The following MICAL2 variants were observed in gnomAD, a reference collection of about 807,000 sequenced individuals.
MICAL2 encodes the protein [F-actin]-monooxygenase MICAL2.
A neutral mutation model predicts 127.3 loss-of-function variants in MICAL2; 77 were observed. That is an observed-to-expected ratio of 0.60 (90% confidence interval 0.50 to 0.73). MICAL2 has a LOEUF of 0.73. Ranked by LOEUF, MICAL2 falls within the 30% of genes least tolerant of loss-of-function variation. The pLI is 0.00. For missense variants in MICAL2, 1,351 were observed against 1,434.4 expected (o/e 0.94, Z 0.94); for synonymous variants, 570 against 551.1 (o/e 1.03, Z -0.48).
rs372239723 is a variant in MICAL2 at position 12,216,199 on chromosome 11, G to A, written c.848-20G>A. 3.2e-6 allele frequency: 5 copies of A among 1,575,906 alleles called. No individual in the cohort carries two copies. Among genetic ancestry groups the A allele is most frequent in the Non-Finnish European group, 4.4e-6 (5 of 1,145,032 alleles). On this transcript the variant is annotated intron_variant, in intron 7 of 27. Transcript: ENST00000683283. ...GTGCCGAGGAAGTAACACTGAGCTT[G>A]TGAATGCTTCTCTTTTCAGGCATAG...
chr11:12,271,520 C>T (rs1863676053), upstream of MICAL2, among the ~76,000 whole-genome samples: 1 of 152,186 alleles, frequency 6.6e-6, no homozygotes. Context: ...GGTGGGTGTT[C>T]TCTCTGGACT....
At chr11:12,281,091 C>T in exon 2 of MICAL2, 1 of 398,980 alleles carries the variant, frequency 2.5e-6, no homozygotes, top group Non-Finnish European at 4.4e-6. Context: ...GAGCCCAGAG[C>T]TGTGCACGGT....
intron 24 of MICAL2, among the ~76,000 whole-genome samples, chr11:12,257,624 G>T (rs563858213): frequency 4.7e-4 from 72 of 152,162 alleles, no homozygotes; most frequent in Admixed American, 9.2e-4. Context: ...CCTTGGGCTT[G>T]TTACTTAAAC....
At chr11:12,162,547 C>G in intron 3 of MICAL2, 128 bp downstream of exon 3, 1 of 1,212,144 alleles carries the variant, frequency 8.2e-7, no homozygotes, top group South Asian at 1.6e-5. Flanking sequence ...CATTGTTTTC[C>G]TCCGGTAAAG....
chr11:12,330,004 T>A (rs1248137130), intron 32 of MICAL2, among the ~76,000 whole-genome samples: 1 of 152,262 alleles, frequency 6.6e-6, no homozygotes, highest in African/African-American at 2.4e-5. Flanking sequence ...CCTTGGTAAT[T>A]TAATTCCCCT....
intron 2 of MICAL2, among the ~76,000 whole-genome samples, chr11:12,160,820 G>C (rs1341245214): frequency 1.3e-5 from 2 of 152,220 alleles, no homozygotes. Flanking sequence ...CCGGCCCCTT[G>C]AGTGGTGCCC....
intron 32 of MICAL2, among the ~76,000 whole-genome samples, chr11:12,336,368 T>A (rs1938757071): frequency 6.6e-6 from 1 of 152,046 alleles, no homozygotes; most frequent in South Asian, 2.1e-4. Context: ...GACAATGGGG[T>A]TTTCTAGATA....
intron 2 of MICAL2, among the ~76,000 whole-genome samples, chr11:12,143,154 T>C (rs994440905): frequency 6.6e-5 from 10 of 152,120 alleles, no homozygotes; most frequent in African/African-American, 2.4e-4. Flanking sequence ...GCTGTGAGAC[T>C]TGGGTACTGA....
chr11:12,337,505 G>T (rs1335044306), intron 32 of MICAL2, among the ~76,000 whole-genome samples: 2 of 152,122 alleles, frequency 1.3e-5, no homozygotes, highest in Non-Finnish European at 1.5e-5. Flanking sequence ...GCTTTTGAAT[G>T]TGTTTGCTCT....
At chr11:12,333,635 T>G (rs1341731414) in intron 32 of MICAL2, among the ~76,000 whole-genome samples, 1 of 152,124 alleles carries the variant, frequency 6.6e-6, no homozygotes, top group Admixed American at 6.5e-5. Context: ...AACCCCAAAA[T>G]GTACAAGTAA....
chr11:12,291,320 A>G (rs1485284379), downstream of MICAL2, among the ~76,000 whole-genome samples: 1 of 152,128 alleles, frequency 6.6e-6, no homozygotes, highest in Non-Finnish European at 1.5e-5. Flanking sequence ...GAGGGGAGGA[A>G]GGGGAGAGCG....
intron 2 of MICAL2, among the ~76,000 whole-genome samples, chr11:12,153,671 C>T (rs1853841936): frequency 6.6e-6 from 1 of 152,176 alleles, no homozygotes; most frequent in South Asian, 2.1e-4. Flanking sequence ...CTCCTGACCT[C>T]GAGTCTGCAC....
intron 3 of MICAL2, among the ~76,000 whole-genome samples, chr11:12,177,568 G>A (rs1038313756): frequency 1.3e-5 from 2 of 152,146 alleles, no homozygotes; most frequent in Admixed American, 6.5e-5. Flanking sequence ...AAGAAATCCT[G>A]ACCAAATTAC....
chr11:12,116,124 C>G (rs946176946), intron 1 of MICAL2, among the ~76,000 whole-genome samples: 4 of 136,884 alleles, frequency 2.9e-5, no homozygotes, highest in African/African-American at 1.1e-4. Context: ...CTACAGGCAT[C>G]CGCCACCATG....
chr11:12,181,368 A>G (rs907357426), intron 3 of MICAL2, among the ~76,000 whole-genome samples: 2 of 152,240 alleles, frequency 1.3e-5, no homozygotes, highest in Non-Finnish European at 2.9e-5. Flanking sequence ...ATTCTCGATT[A>G]AAGTCCTGGT....
intron 16 of MICAL2, among the ~76,000 whole-genome samples, chr11:12,239,190 A>G (rs2134448294): frequency 6.6e-6 from 1 of 152,358 alleles, no homozygotes; most frequent in Non-Finnish European, 1.5e-5. Context: ...ATAAGAAATG[A>G]GAGTCGGGAT....
intron 22 of MICAL2, chr11:12,252,901 T>C (rs1306934716): frequency 6.6e-6 from 1 of 152,268 alleles, no homozygotes; most frequent in Non-Finnish European, 1.5e-5. Context: ...GCAGCCTCCA[T>C]TGCTGCTCTC....
chr11:12,289,289 C>A (rs1236029214), downstream of MICAL2, among the ~76,000 whole-genome samples: 1 of 152,230 alleles, frequency 6.6e-6, no homozygotes, highest in African/African-American at 2.4e-5. Context: ...CTGCAGAAGG[C>A]AAGGCAGCCC....
At chr11:12,145,192 A>G (rs1305481466) in intron 2 of MICAL2, among the ~76,000 whole-genome samples, 1 of 152,226 alleles carries the variant, frequency 6.6e-6, no homozygotes, top group Non-Finnish European at 1.5e-5. Flanking sequence ...AATGACCAGC[A>G]AGGAAATCCT....
Sources: allele counts gnomAD v4.1 joint callset (sites outside exome capture counted in the v4.1 genomes callset), GRCh38; gene constraint gnomAD v4.1.1; transcripts MANE v1.5; gene names NCBI Gene and HGNC (gene_info 2026-07-23, HGNC 2026-07-21).